FHIT: variants seen among roughly 807,000 people sequenced by gnomAD.
The protein encoded by FHIT is fragile histidine triad diadenosine triphosphatase.
Under a neutral mutation model 17.9 loss-of-function variants are expected in FHIT, and 19 were observed. That is an observed-to-expected ratio of 1.06 (90% CI 0.74 to 1.56). The LOEUF is 1.56. Among genes scored for constraint, FHIT ranks in the 40% most tolerant of loss-of-function variants. FHIT has a pLI of 0.00. For synonymous variants in FHIT, 81 were observed against 69.7 expected (o/e 1.16, Z -0.81); for missense variants, 248 against 189.2 (o/e 1.31, Z -1.82).
chr3:60,417,066 T>C (rs181473833), intron 5 of FHIT, among the ~76,000 whole-genome samples: 1 of 149,014 alleles, frequency 6.7e-6, no homozygotes, highest in East Asian at 2.0e-4. Flanking sequence ...TCCAGCCTGG[T>C]CGACAGAGGG....
chr3:60,121,344 T>A (rs922184524), intron 5 of FHIT, among the ~76,000 whole-genome samples: 1 of 152,190 alleles, frequency 6.6e-6, no homozygotes, highest in Admixed American at 6.5e-5. Flanking sequence ...TATCTGCTGT[T>A]TCACTTTTCA....
At chr3:59,848,839 C>A (rs1029286505) in intron 8 of FHIT, among the ~76,000 whole-genome samples, 1 of 152,172 alleles carries the variant, frequency 6.6e-6, no homozygotes. Context: ...CAATAAAACA[C>A]TTGGGGAAAA....
chr3:60,241,863 T>C (rs1212357651), intron 5 of FHIT, among the ~76,000 whole-genome samples: 1 of 152,138 alleles, frequency 6.6e-6, no homozygotes, highest in African/African-American at 2.4e-5. Flanking sequence ...TCTTTATTAT[T>C]CTCTTGATCA....
At chr3:60,641,408 C>A (rs1363990868) in intron 4 of FHIT, among the ~76,000 whole-genome samples, 4 of 152,142 alleles carry the variant, frequency 2.6e-5, no homozygotes, top group African/African-American at 9.7e-5. Context: ...GACCTATATT[C>A]TATTCTTTGC....
chr3:61,148,220 A>T (rs2107034080), intron 2 of FHIT, among the ~76,000 whole-genome samples: 1 of 152,140 alleles, frequency 6.6e-6, no homozygotes, highest in African/African-American at 2.4e-5. Context: ...TCTATGGTAT[A>T]TTTAGAGGGA....
chr3:61,150,857 G>A (rs989787335), intron 2 of FHIT, among the ~76,000 whole-genome samples: 32 of 152,106 alleles, frequency 2.1e-4, no homozygotes, highest in African/African-American at 6.0e-4. Flanking sequence ...ATGCAAATAC[G>A]TAAGAGAGAA....
At chr3:60,524,197 GACACAC>G (rs56975783) in intron 5 of FHIT, among the ~76,000 whole-genome samples, 29,887 of 144,098 alleles carry the variant, frequency 0.21, 3,138 homozygotes, top group Middle Eastern at 0.25. Context: ...GTCAGCCTGA[GACACAC>G]ACACACACAC....
chr3:60,234,405 G>A (rs1418384683), intron 5 of FHIT, among the ~76,000 whole-genome samples: 2 of 152,066 alleles, frequency 1.3e-5, no homozygotes, highest in Non-Finnish European at 2.9e-5. Context: ...TCTCTGAATT[G>A]CATTCAATAT....
At chr3:59,858,236 C>CTTTTTTT (rs563841299) in intron 8 of FHIT, among the ~76,000 whole-genome samples, 19 of 84,492 alleles carry the variant, frequency 2.2e-4, no homozygotes, top group Admixed American at 4.4e-4. Flanking sequence ...TTCCCACCTT[C>CTTTTTTT]TTTTTTTTTT....
At chr3:60,296,201 G>T (rs1708200310) in intron 5 of FHIT, among the ~76,000 whole-genome samples, 1 of 151,986 alleles carries the variant, frequency 6.6e-6, no homozygotes, top group Non-Finnish European at 1.5e-5. Flanking sequence ...GTGTGAAATG[G>T]ACTAATATAG....
chr3:60,002,414 G>C (rs572660257), intron 7 of FHIT, among the ~76,000 whole-genome samples: 2 of 152,202 alleles, frequency 1.3e-5, no homozygotes, highest in East Asian at 3.9e-4. Context: ...TGAACAAGAG[G>C]CTTCTTTGGA....
At chr3:60,972,558 C>CTT (rs35873241) in intron 3 of FHIT, among the ~76,000 whole-genome samples, 35 of 142,938 alleles carry the variant, frequency 2.4e-4, no homozygotes, top group Admixed American at 8.4e-4. Context: ...TTTTATTTGG[C>CTT]TTTTTTTTTT....
At chr3:60,503,754 A>G (rs2034615434) in intron 5 of FHIT, among the ~76,000 whole-genome samples, 1 of 152,218 alleles carries the variant, frequency 6.6e-6, no homozygotes, top group African/African-American at 2.4e-5. Flanking sequence ...ATCATACTAT[A>G]TGTAGAGTAG....
chr3:60,054,710 G>A (rs939366825), intron 5 of FHIT, among the ~76,000 whole-genome samples: 3 of 152,144 alleles, frequency 2.0e-5, no homozygotes, highest in African/African-American at 7.2e-5. Context: ...GCTGGGTTAA[G>A]CACAGGAAAA....
chr3:60,356,623 C>A (rs1699661526), intron 5 of FHIT, among the ~76,000 whole-genome samples: 1 of 151,850 alleles, frequency 6.6e-6, no homozygotes, highest in African/African-American at 2.4e-5. Flanking sequence ...GAAGCTTTAA[C>A]AGGCTTTCGG....
At chr3:60,916,776 C>G (rs1707027728) in intron 3 of FHIT, among the ~76,000 whole-genome samples, 1 of 152,136 alleles carries the variant, frequency 6.6e-6, no homozygotes, top group Non-Finnish European at 1.5e-5. Flanking sequence ...TATCAATAAG[C>G]AGTTTCAATT....
chr3:60,204,008 G>A (rs543549932), intron 5 of FHIT, among the ~76,000 whole-genome samples: 19 of 152,100 alleles, frequency 1.2e-4, no homozygotes, highest in African/African-American at 4.6e-4. Context: ...AAGAATAAGA[G>A]CTAGTGTTTG....
chr3:60,964,826 G>T (rs988316221), intron 3 of FHIT, among the ~76,000 whole-genome samples: 4 of 152,156 alleles, frequency 2.6e-5, no homozygotes, highest in Non-Finnish European at 4.4e-5. Context: ...GCTTCCCTTT[G>T]TGGGTAACCT....
chr3:60,545,974 C>G (rs1273168394), intron 4 of FHIT, among the ~76,000 whole-genome samples: 1 of 152,232 alleles, frequency 6.6e-6, no homozygotes, highest in African/African-American at 2.4e-5. Context: ...TACCTCAAAG[C>G]TACATTACTA....
Sources: allele counts gnomAD v4.1 joint callset (sites outside exome capture counted in the v4.1 genomes callset), GRCh38; gene constraint gnomAD v4.1.1; transcripts MANE v1.5; gene names NCBI Gene and HGNC (gene_info 2026-07-23, HGNC 2026-07-21).